Variants in PVT1 observed in about 807,000 individuals in gnomAD.
The protein encoded by PVT1 is CXCR4/PVT1 fusion.
At chr8:128,012,941 G>A (rs1054010975) in intron 4 of PVT1, among the ~76,000 whole-genome samples, 1 of 152,204 alleles carries the variant, frequency 6.6e-6, no homozygotes, top group Non-Finnish European at 1.5e-5. Context: ...ATTTTTGTTG[G>A]TGTGGGGCAG....
Position 127,878,182 on chromosome 8 carries a change from G to GA in PVT1, n.373-12397dup, listed in dbSNP as rs111383512. Among the ~76,000 whole-genome samples the GA allele has an allele frequency of 9.1e-3, 1,345 of 147,062 alleles. 25 individuals carry two copies. Among genetic ancestry groups the GA allele is most frequent in the African/African-American group, 0.031 (1,256 of 40,318 alleles). On this transcript the variant is annotated intron_variant and non_coding_transcript_variant, in intron 2 of 10. Coordinates refer to ENST00000651587, the Ensembl canonical transcript of PVT1. The stretch of plus-strand genomic sequence containing the variant: ...GGGCATAGTCAAACAAAAGGAAATT[G>GA]AAAAAAAAAACCCCACAAATTTTGA...
intron 2 of PVT1, among the ~76,000 whole-genome samples, chr8:127,873,472 G>A (rs1050468116): frequency 2.6e-5 from 4 of 152,124 alleles, no homozygotes; most frequent in African/African-American, 7.2e-5. Context: ...TCACTTTCAC[G>A]TATTGAGCTA....
At chr8:128,074,337 T>C (rs904520079) in intron 5 of PVT1, among the ~76,000 whole-genome samples, 3 of 148,934 alleles carry the variant, frequency 2.0e-5, no homozygotes, top group Admixed American at 1.4e-4. Flanking sequence ...ATACCCTATC[T>C]CTACTAAAAA....
chr8:127,845,749 CT>C (rs900967206), intron 2 of PVT1, among the ~76,000 whole-genome samples: 85 of 152,308 alleles, frequency 5.6e-4, no homozygotes, highest in African/African-American at 1.9e-3. Flanking sequence ...GGGAAGAATT[CT>C]TAGTAGACCT....
At chr8:127,934,800 A>AG in intron 3 of PVT1, among the ~76,000 whole-genome samples, 1 of 152,030 alleles carries the variant, frequency 6.6e-6, no homozygotes, top group Non-Finnish European at 1.5e-5. Context: ...GGTTTTTCGG[A>AG]GGGCCTGGAG....
At chr8:128,015,678 C>T (rs1280872435) in intron 4 of PVT1, among the ~76,000 whole-genome samples, 10 of 147,132 alleles carry the variant, frequency 6.8e-5, no homozygotes, top group African/African-American at 2.0e-4. Context: ...GAGGCTGAGG[C>T]AGGAGAATCG....
chr8:127,919,498 T>A (rs1399716529), intron 3 of PVT1, among the ~76,000 whole-genome samples: 1 of 152,216 alleles, frequency 6.6e-6, no homozygotes, highest in East Asian at 1.9e-4. Context: ...CAATGTTATA[T>A]ATTTTTTCTC....
chr8:127,931,068 C>T lies in PVT1; in HGVS notation n.782+40070C>T, dbSNP rs142402381. Among the ~76,000 whole-genome samples the T allele has an allele frequency of 5.3e-3, 814 of 152,238 alleles. 6 individuals are homozygous for T. The highest frequency in any genetic ancestry group is 6.7e-3 in the Non-Finnish European group (458 of 68,018). On this transcript the variant is annotated intron_variant and non_coding_transcript_variant, in intron 3 of 10. Transcript: ENST00000651587. ...TACAGGTGCGCTCCACCACACCCAGCTAGTTTTTGAATTTTTTTGTAGTGA... is the reference window on the plus strand; with the variant it reads ...TACAGGTGCGCTCCACCACACCCAGTTAGTTTTTGAATTTTTTTGTAGTGA...
At chr8:128,023,741 G>T in intron 4 of PVT1, among the ~76,000 whole-genome samples, 1 of 152,216 alleles carries the variant, frequency 6.6e-6, no homozygotes, top group Non-Finnish European at 1.5e-5. Flanking sequence ...TTCAGAGAGA[G>T]AGACGTGAAG....
rs1177792198 is a variant in PVT1 at position 127,798,836 on chromosome 8, T to C, written n.372+2765T>C. Among the ~76,000 whole-genome samples the C allele has an allele frequency of 4.6e-5, 7 of 152,142 alleles. No homozygotes were observed. The South Asian group carries it at 8.3e-4, about 18-fold the overall frequency. ...GTTTGCAGTGAGCTGAGATTGCCAG[T>C]GCACTCCTGCCTGGGAGATAGAGTA... On this transcript the variant is annotated intron_variant and non_coding_transcript_variant, in intron 2 of 10. Coordinates refer to ENST00000651587, the Ensembl canonical transcript of PVT1.
chr8:127,838,613 G>C (rs569815871), intron 2 of PVT1, among the ~76,000 whole-genome samples: 7 of 152,310 alleles, frequency 4.6e-5, no homozygotes, highest in African/African-American at 1.7e-4. Context: ...GCTGAAACAG[G>C]AGAATCACTT....
intron 3 of PVT1, among the ~76,000 whole-genome samples, chr8:127,946,378 C>G (rs916897704): frequency 6.6e-6 from 1 of 152,140 alleles, no homozygotes; most frequent in Admixed American, 6.5e-5. Flanking sequence ...AAGGTGAACC[C>G]CATGTTAAGA....
At chr8:127,885,256 G>A (rs1469380134) in intron 2 of PVT1, among the ~76,000 whole-genome samples, 1 of 152,106 alleles carries the variant, frequency 6.6e-6, no homozygotes, top group Admixed American at 6.5e-5. Context: ...CATTTGATGT[G>A]AGAATGATAG....
At position 127,947,665 on chromosome 8, in the gene PVT1, T is replaced by C. The variant is rs77263473; in HGVS notation, n.783-41497T>C. The C allele has an allele frequency of 3.1e-3, 1,418 of 454,974 alleles. 11 individuals carry two copies. The highest frequency in any genetic ancestry group is 0.025 in the African/African-American group (1,234 of 50,060). 28.2% of individuals were successfully genotyped at this position (454,974 alleles called of 1,614,324 possible). A position where few individuals can be genotyped will look rare whatever the true frequency, so the allele number is the denominator to read the frequency against. ...TGCTTTGACACCTGGGGCAGGTTTT[T>C]GGACCTCTCTGGACATGGCCAGCTG... On this transcript the variant is annotated intron_variant and non_coding_transcript_variant, in intron 3 of 10. Coordinates refer to ENST00000651587, the Ensembl canonical transcript of PVT1.
chr8:127,972,495 G>T (rs539245083), intron 3 of PVT1, among the ~76,000 whole-genome samples: 2 of 152,106 alleles, frequency 1.3e-5, no homozygotes, highest in Admixed American at 6.6e-5. Flanking sequence ...ATAGCTGTGC[G>T]TTGGGAGACC....
At chr8:127,957,698 G>A (rs778647029) in intron 3 of PVT1, among the ~76,000 whole-genome samples, 6 of 152,182 alleles carry the variant, frequency 3.9e-5, no homozygotes, top group African/African-American at 7.2e-5. Context: ...CAAACAGCTC[G>A]TTCCTCTTCA....
intron 5 of PVT1, among the ~76,000 whole-genome samples, chr8:128,096,172 A>T (rs571548290): frequency 6.6e-6 from 1 of 152,352 alleles, no homozygotes; most frequent in South Asian, 2.1e-4. Context: ...GGGGCACAGG[A>T]TACATAAGAT....
At chr8:127,957,515 C>A (rs988259389) in intron 3 of PVT1, among the ~76,000 whole-genome samples, 2 of 148,406 alleles carry the variant, frequency 1.3e-5, no homozygotes, top group Non-Finnish European at 3.0e-5. Context: ...TTGCAGTGAG[C>A]CGAGATTGCG....
intron 3 of PVT1, among the ~76,000 whole-genome samples, chr8:127,902,877 A>C (rs773821110): frequency 6.6e-6 from 1 of 152,226 alleles, no homozygotes; most frequent in Non-Finnish European, 1.5e-5. Context: ...TGCTATTGTG[A>C]ATAGTGCTGC....
Sources: gnomAD v4.1 joint callset for allele counts (sites outside exome capture counted in the v4.1 genomes callset) on GRCh38, gnomAD v4.1.1 for gene constraint, MANE v1.5 for transcripts, NCBI Gene and HGNC (gene_info 2026-07-23, HGNC 2026-07-21) for gene names.